VSIG10: variants seen among roughly 807,000 people sequenced by gnomAD.
VSIG10 encodes V-set and immunoglobulin domain-containing protein 10.
In VSIG10, 48 loss-of-function variants were observed where a neutral mutation model predicts 58.7. The observed-to-expected ratio is 0.82, with a 90% CI of 0.65 to 1.04. The LOEUF is 1.04. Among genes scored for constraint, VSIG10 ranks in the 50% least tolerant of loss-of-function variants. VSIG10 has a pLI of 0.00. For synonymous variants in VSIG10, 260 were observed against 267.1 expected, an observed-to-expected ratio of 0.97 and a Z score of 0.26; for missense variants, 628 against 670.0, an observed-to-expected ratio of 0.94 and a Z score of 0.69.
rs760264643 is a variant in VSIG10, at chr12:118,095,498, C to A, written c.361+35G>T. On this transcript the variant is annotated intron_variant, in intron 2 of 8. Transcript: ENST00000359236. Reference sequence around the variant, plus strand: ...CTCCTCCTTTCCAAGGCTCCGAGCACCTCTCCAGCCCCGGTCCCTGCCAGC... The same window carrying A: ...CTCCTCCTTTCCAAGGCTCCGAGCAACTCTCCAGCCCCGGTCCCTGCCAGC... 2.8e-5 allele frequency: 45 copies of A among 1,609,678 alleles called. No individual in the cohort carries two copies. The South Asian group carries it at 4.8e-4, about 17-fold the overall frequency.
At chr12:118,082,096 G>T in intron 3 of VSIG10, 31 bp downstream of exon 3, 1 of 1,598,676 alleles carries the variant, frequency 6.3e-7, no homozygotes. Flanking sequence ...TTAAGGGGAA[G>T]AAGCGGGGCA....
intron 1 of VSIG10, chr12:118,101,538 A>G (rs928391732): frequency 3.9e-5 from 6 of 152,326 alleles, no homozygotes; most frequent in African/African-American, 1.4e-4. Flanking sequence ...TGTACAATAG[A>G]GAACCGAAGA....
At chr12:118,088,499 T>C (rs1033615962) in intron 2 of VSIG10, among the ~76,000 whole-genome samples, 13 of 152,132 alleles carry the variant, frequency 8.5e-5, no homozygotes, top group Admixed American at 5.9e-4. Context: ...CAACAGCTAA[T>C]AGAACGTGGA....
rs552462651 is a variant in VSIG10 at position 118,078,372 on chromosome 12, T to G, written c.925+974A>C. ...TGGGGTTTCATCATGTTGGCCAGGC[T>G]GGTCTCAGACTCCTGACCTCAAGTG... On this transcript the variant is annotated intron_variant, in intron 4 of 8. Coordinates refer to ENST00000359236, the MANE Select transcript of VSIG10 (RefSeq NM_019086.6). 3.3e-4 allele frequency among the ~76,000 whole-genome samples: 50 copies of G among 152,060 alleles called. No individual in the cohort carries two copies. In the South Asian group the frequency reaches 0.01, roughly 32 times the overall value.
At chr12:118,069,495 G>A (rs1355992652) in intron 7 of VSIG10, among the ~76,000 whole-genome samples, 5 of 140,580 alleles carry the variant, frequency 3.6e-5, no homozygotes, top group Non-Finnish European at 7.5e-5. Context: ...GCACAATCAT[G>A]GCTCACCGCA....
rs779686962 is a variant in VSIG10, at chr12:118,095,597, T to G, written c.297A>C (p.Gly99=). The change falls in exon 2 of 9, where the codon GGA becomes GGC. Residue 99 remains glycine (G), a synonymous_variant. Transcript: ENST00000359236. ...HIESLSLGDE[G]IYTCQEILNV... ...TCAGGATCTCCTGGCAGGTGTAGAT[T>G]CCCTCATCTCCCAGGCTCAGCGATT... 1 of 1,611,956 alleles carries G rather than the reference T, an allele frequency of 6.2e-7. No individual in the cohort carries two copies. The highest frequency in any genetic ancestry group is 1.1e-5 in the South Asian group (1 of 90,946).
chr12:118,067,057 T>C (rs1265974868), intron 8 of VSIG10, among the ~76,000 whole-genome samples: 2 of 152,022 alleles, frequency 1.3e-5, no homozygotes, highest in African/African-American at 4.8e-5. Flanking sequence ...TATCTTTCTC[T>C]GAGGTCCTAT....
chr12:118,076,720 G>A (rs1424676171), intron 4 of VSIG10, among the ~76,000 whole-genome samples: 1 of 151,934 alleles, frequency 6.6e-6, no homozygotes, highest in Non-Finnish European at 1.5e-5. Flanking sequence ...CAGGCCTGGA[G>A]TGACCGCTCA....
chr12:118,096,251 GCCA>G (rs1192030545), intron 1 of VSIG10, among the ~76,000 whole-genome samples: 33 of 151,486 alleles, frequency 2.2e-4, no homozygotes, highest in African/African-American at 7.7e-4. Flanking sequence ...GACCATCCTG[GCCA>G]ACATGGTGAC....
rs377472297 is a variant in VSIG10, at chr12:118,069,417, T to G, written c.1347-820A>C. ...CTGGACTGTGCATTTCTTCTTCTTC[T>G]TCTTCTTCTTTTTTTTTTTTTTTTT... On this transcript the variant is annotated intron_variant, in intron 7 of 8. Transcript: ENST00000359236. 8.4e-3 allele frequency among the ~76,000 whole-genome samples: 1,029 copies of G among 121,936 alleles called. 9 individuals are homozygous for G. Among genetic ancestry groups the G allele is most frequent in the Middle Eastern group, 0.019 (4 of 214 alleles). The allele number at this position is 121,936 out of a possible 152,430, so 80.0% of individuals were successfully genotyped here. A position where few individuals can be genotyped will look rare whatever the true frequency, so the allele number is the denominator to read the frequency against.
chr12:118,080,452 G>A (rs1360031228), intron 3 of VSIG10, among the ~76,000 whole-genome samples: 1 of 152,018 alleles, frequency 6.6e-6, no homozygotes, highest in African/African-American at 2.4e-5. Context: ...GAGCCACCGC[G>A]CTCAGCCCCA....
chr12:118,074,114 G>C, intron 4 of VSIG10, 122 bp from the exon 5 acceptor site: 1 of 1,093,684 alleles, frequency 9.1e-7, no homozygotes, highest in Non-Finnish European at 1.2e-6. Context: ...TGGAGGTTTT[G>C]CTCTGTTGCC....
Position 118,066,245 on chromosome 12 carries a change from CAAAAAAAAAA to C in VSIG10, c.*384_*393del, listed in dbSNP as rs35019751. On this transcript the variant is annotated 3_prime_UTR_variant, in exon 9 of 9. Coordinates refer to ENST00000359236, the MANE Select transcript of VSIG10 (RefSeq NM_019086.6). ...TGGGCAATAGAGGGAGACTCCGTCT[CAAAAAAAAAA>C]AAAAAAAAAAAAAAAAGCGGCAAAA... is the stretch of plus-strand genomic sequence containing the variant. The C allele has an allele frequency of 5.2e-4, 21 of 40,210 alleles. No homozygotes were observed. Among genetic ancestry groups the C allele is most frequent in the Admixed American group, 1.2e-3 (4 of 3,290 alleles). The allele number at this position is 40,210 out of a possible 1,614,324, so 2.5% of individuals were successfully genotyped here.
chr12:118,080,691 A>C (rs1170346163), intron 3 of VSIG10, among the ~76,000 whole-genome samples: 1 of 152,220 alleles, frequency 6.6e-6, no homozygotes, highest in Non-Finnish European at 1.5e-5. Flanking sequence ...TTATTCAGCC[A>C]TTAAAAGGAA....
At chr12:118,098,254 CCT>C (rs896260149) in intron 1 of VSIG10, among the ~76,000 whole-genome samples, 4 of 147,528 alleles carry the variant, frequency 2.7e-5, no homozygotes, top group Non-Finnish European at 3.0e-5. Flanking sequence ...TCCGCCTCTC[CCT>C]CTCTCTCCGC....
intron 5 of VSIG10, among the ~76,000 whole-genome samples, chr12:118,073,158 C>A (rs374385672): frequency 6.6e-6 from 1 of 152,160 alleles, no homozygotes; most frequent in East Asian, 1.9e-4. Flanking sequence ...AACTCCCAAC[C>A]TCAGGTGATC....
Position 118,089,484 on chromosome 12 carries a change from T to C in VSIG10, c.361+6049A>G, listed in dbSNP as rs78084211. On this transcript the variant is annotated intron_variant, in intron 2 of 8. Coordinates refer to ENST00000359236, the MANE Select transcript of VSIG10 (RefSeq NM_019086.6). ...GATAAAAGATAAGGTTATTCATTGA[T>C]GAGATGGACAGGAAGCGATGACTAA... Among the ~76,000 whole-genome samples the C allele has an allele frequency of 5.0e-3, 760 of 152,250 alleles. 12 individuals are homozygous for C. Among genetic ancestry groups the C allele is most frequent in the African/African-American group, 0.017 (726 of 41,562 alleles).
intron 4 of VSIG10, among the ~76,000 whole-genome samples, chr12:118,074,667 C>T (rs1456305639): frequency 1.3e-5 from 2 of 151,936 alleles, no homozygotes; most frequent in African/African-American, 4.8e-5. Flanking sequence ...TTAGTAGAGA[C>T]GGGGTTTCAC....
chr12:118,097,706 G>C (rs2033503252), intron 1 of VSIG10, among the ~76,000 whole-genome samples: 1 of 151,526 alleles, frequency 6.6e-6, no homozygotes, highest in Non-Finnish European at 1.5e-5. Flanking sequence ...TGGATCACCT[G>C]AGCTCAGGAG....
Sources: allele counts gnomAD v4.1 joint callset (sites outside exome capture counted in the v4.1 genomes callset), GRCh38; gene constraint gnomAD v4.1.1; transcripts MANE v1.5; gene names NCBI Gene and HGNC (gene_info 2026-07-23, HGNC 2026-07-21).